Variants in RBMS3 observed in about 807,000 individuals in gnomAD.
The protein encoded by RBMS3 is RNA-binding motif, single-stranded-interacting protein 3.
Under a neutral mutation model 66.8 loss-of-function variants are expected in RBMS3, and 27 were observed. That is an observed-to-expected ratio of 0.40 (90% CI 0.30 to 0.56). RBMS3 has a LOEUF of 0.56. Among genes scored for constraint, RBMS3 ranks in the 20% least tolerant of loss-of-function variants. The probability of loss-of-function intolerance (pLI) is 0.40; values close to 1 mark genes in which losing one functional copy is unlikely to be tolerated. For synonymous variants in RBMS3, 188 were observed against 183.0 expected, an observed-to-expected ratio of 1.03 and a Z score of -0.22; for missense variants, 513 against 549.5, an observed-to-expected ratio of 0.93 and a Z score of 0.66.
chr3:29,336,363 T>C (rs1009744848), intron 1 of RBMS3, among the ~76,000 whole-genome samples: 1 of 152,150 alleles, frequency 6.6e-6, no homozygotes, highest in African/African-American at 2.4e-5. Flanking sequence ...TGAGTCAGCT[T>C]TTCCATCAAA....
chr3:29,569,388 A>G (rs938609544), intron 3 of RBMS3, among the ~76,000 whole-genome samples: 2 of 152,130 alleles, frequency 1.3e-5, no homozygotes, highest in African/African-American at 4.8e-5. Flanking sequence ...ACTAATTTAC[A>G]AATTACATCA....
intron 12 of RBMS3, among the ~76,000 whole-genome samples, chr3:29,979,764 A>G (rs1436130762): frequency 6.6e-6 from 1 of 152,102 alleles, no homozygotes; most frequent in Non-Finnish European, 1.5e-5. Context: ...AAGGACATGA[A>G]CTCATTCTTT....
intron 10 of RBMS3, among the ~76,000 whole-genome samples, chr3:29,902,219 TTA>T (rs2060271994): frequency 6.6e-6 from 1 of 151,808 alleles, no homozygotes; most frequent in African/African-American, 2.4e-5. Flanking sequence ...ACCCAAATAA[TTA>T]TGTTTTGTTC....
intron 6 of RBMS3, among the ~76,000 whole-genome samples, chr3:29,814,132 CTTA>C (rs1189308329): frequency 6.6e-6 from 1 of 151,472 alleles, no homozygotes; most frequent in African/African-American, 2.4e-5. Context: ...ATAGATAGCT[CTTA>C]TTATTTTGAG....
intron 3 of RBMS3, among the ~76,000 whole-genome samples, chr3:29,540,764 G>T (rs2045725860): frequency 6.6e-6 from 1 of 152,146 alleles, no homozygotes; most frequent in African/African-American, 2.4e-5. Flanking sequence ...TCTGAGTGGT[G>T]CTACTGACAC....
chr3:29,693,286 G>A (rs2052117386), intron 4 of RBMS3, among the ~76,000 whole-genome samples: 1 of 152,072 alleles, frequency 6.6e-6, no homozygotes, highest in African/African-American at 2.4e-5. Flanking sequence ...CTAATACATA[G>A]ACCTCAAATT....
At chr3:30,001,456 T>C (rs1438717686) in intron 14 of RBMS3, among the ~76,000 whole-genome samples, 1 of 152,048 alleles carries the variant, frequency 6.6e-6, no homozygotes, top group Non-Finnish European at 1.5e-5. Flanking sequence ...CTCTGTATTC[T>C]TAAATTCAGT....
chr3:29,661,300 C>G (rs2050537915), intron 4 of RBMS3, among the ~76,000 whole-genome samples: 1 of 152,162 alleles, frequency 6.6e-6, no homozygotes, highest in African/African-American at 2.4e-5. Flanking sequence ...CCAGAATCCC[C>G]TATCTGCTGG....
chr3:29,568,178 A>C (rs2149061784), intron 3 of RBMS3, among the ~76,000 whole-genome samples: 1 of 152,340 alleles, frequency 6.6e-6, no homozygotes, highest in Non-Finnish European at 1.5e-5. Context: ...TAAAGAGATG[A>C]ATTAATGTAG....
intron 1 of RBMS3, among the ~76,000 whole-genome samples, chr3:29,285,589 A>G (rs1301789715): frequency 6.6e-6 from 1 of 152,118 alleles, no homozygotes; most frequent in African/African-American, 2.4e-5. Context: ...TCTTGAAGAA[A>G]GAGGTTCAGA....
intron 1 of RBMS3, among the ~76,000 whole-genome samples, chr3:29,409,864 A>C (rs2040189788): frequency 6.6e-6 from 1 of 152,212 alleles, no homozygotes; most frequent in South Asian, 2.1e-4. Flanking sequence ...ATGCTACTTA[A>C]ATTAATTGAT....
rs1444540654 is a variant in RBMS3 at position 30,007,636 on chromosome 3, A to G, written c.*3774A>G. 1.3e-5 allele frequency: 2 copies of G among 152,110 alleles called. No individual in the cohort carries two copies. The highest frequency in any genetic ancestry group is 4.8e-5 in the African/African-American group (2 of 41,450). 9.4% of individuals were successfully genotyped at this position (152,110 alleles called of 1,614,324 possible). A position where few individuals can be genotyped will look rare whatever the true frequency, so the allele number is the denominator to read the frequency against. ...TTCTAAAGACAACGTAATGAGCCCA[A>G]GTGAACTGAAGGTCATACTGGCAGG... is the stretch of plus-strand genomic sequence containing the variant. On this transcript the variant is annotated 3_prime_UTR_variant, in exon 15 of 15. Transcript: ENST00000383767.
At chr3:29,826,878 G>A (rs961529572) in intron 6 of RBMS3, among the ~76,000 whole-genome samples, 4 of 152,052 alleles carry the variant, frequency 2.6e-5, no homozygotes, top group African/African-American at 9.7e-5. Flanking sequence ...AGAAGTTAGT[G>A]GGGAAAAATT....
chr3:29,985,227 C>G (rs543765272), intron 12 of RBMS3, among the ~76,000 whole-genome samples: 2 of 152,286 alleles, frequency 1.3e-5, no homozygotes, highest in East Asian at 3.9e-4. Flanking sequence ...AGACACCCCT[C>G]CCCACACCAA....
chr3:29,330,816 G>A (rs1401338379), intron 1 of RBMS3, among the ~76,000 whole-genome samples: 2 of 152,072 alleles, frequency 1.3e-5, no homozygotes. Context: ...TTCTGCAAAG[G>A]GCTTGTTAGG....
intron 3 of RBMS3, among the ~76,000 whole-genome samples, chr3:29,503,321 C>A (rs116832596): frequency 0.013 from 2,012 of 152,168 alleles, 27 homozygotes; most frequent in South Asian, 0.035. Flanking sequence ...CCTCCAGCCT[C>A]TAATTCTTAC....
chr3:29,521,325 T>G (rs1330425841), intron 3 of RBMS3, among the ~76,000 whole-genome samples: 2 of 152,178 alleles, frequency 1.3e-5, no homozygotes, highest in Non-Finnish European at 2.9e-5. Context: ...TCATTACTTG[T>G]TACTTAATAT....
intron 6 of RBMS3, among the ~76,000 whole-genome samples, chr3:29,830,423 T>C (rs1019540384): frequency 4.6e-5 from 7 of 152,118 alleles, no homozygotes; most frequent in African/African-American, 1.4e-4. Flanking sequence ...CTCAATAGAT[T>C]AAAACTTATG....
intron 3 of RBMS3, among the ~76,000 whole-genome samples, chr3:29,579,672 GAC>G (rs2047256885): frequency 6.6e-6 from 1 of 152,136 alleles, no homozygotes; most frequent in Non-Finnish European, 1.5e-5. Context: ...TGATGGTAGA[GAC>G]ACACAGGACC....
Sources: allele counts gnomAD v4.1 joint callset (sites outside exome capture counted in the v4.1 genomes callset), GRCh38; gene constraint gnomAD v4.1.1; transcripts MANE v1.5; gene names NCBI Gene and HGNC (gene_info 2026-07-23, HGNC 2026-07-21).